Variants in CEP290 observed in about 807,000 individuals in gnomAD.
CEP290 encodes the protein centrosomal protein of 290 kDa.
CEP290 carries 317 observed loss-of-function variants against 344.9 expected under a neutral mutation model. The observed-to-expected ratio is 0.92, with a 90% CI of 0.84 to 1.01. CEP290 has a LOEUF of 1.01. Ranked by LOEUF, CEP290 falls within the 50% of genes least tolerant of loss-of-function variation. The pLI is 0.00. For synonymous variants in CEP290, 932 were observed against 895.8 expected (o/e 1.04, Z -0.72); for missense variants, 2,754 against 2,761.4 (o/e 1.00, Z 0.06).
intron 22 of CEP290, among the ~76,000 whole-genome samples, chr12:88,110,150 C>T (rs547252795): frequency 2.0e-5 from 3 of 151,814 alleles, no homozygotes; most frequent in East Asian, 1.9e-4. Flanking sequence ...AAATAGTGGC[C>T]CATATAATCA....
intron 39 of CEP290, 105 bp downstream of exon 39, chr12:88,078,987 T>A: frequency 1.1e-6 from 1 of 949,560 alleles, no homozygotes; most frequent in Non-Finnish European, 1.5e-6. Context: ...CAACAGTGCA[T>A]TATAAATTCC....
At chr12:88,137,163 C>T (rs2040396489) in intron 5 of CEP290, among the ~76,000 whole-genome samples, 1 of 152,072 alleles carries the variant, frequency 6.6e-6, no homozygotes, top group South Asian at 2.1e-4. Context: ...CCTTAACCTG[C>T]CCTTTCTCTC....
intron 53 of CEP290, 45 bp from the exon 54 acceptor site, chr12:88,049,459 A>G (rs1471957010): frequency 2.0e-6 from 2 of 990,654 alleles, no homozygotes; most frequent in African/African-American, 1.7e-5. Context: ...GGAAATATAC[A>G]TATTTTACGT....
intron 33 of CEP290, 80 bp from the exon 34 acceptor site, chr12:88,086,253 A>G: frequency 6.5e-7 from 1 of 1,532,530 alleles, no homozygotes; most frequent in South Asian, 1.2e-5. Context: ...TGTATGATAA[A>G]ACATAGATTA....
At chr12:88,059,082 T>G in intron 48 of CEP290, 62 bp from the exon 49 acceptor site, 1 of 1,329,944 alleles carries the variant, frequency 7.5e-7, no homozygotes, top group East Asian at 2.4e-5. Flanking sequence ...ATAGATTCAG[T>G]GTATTCAAAA....
chr12:88,107,657 T>A (rs1015501161), intron 23 of CEP290, among the ~76,000 whole-genome samples: 1 of 151,782 alleles, frequency 6.6e-6, no homozygotes, highest in Admixed American at 6.6e-5. Flanking sequence ...TCCCAGCACT[T>A]TGGGAGGCCA....
chr12:88,092,682 T>C lies in CEP290; in HGVS notation c.3460A>G (p.Lys1154Glu), dbSNP rs753136596. The change falls in exon 29 of 54, where the codon AAA becomes GAA. Residue 1154 changes from lysine to glutamate, a missense_variant and splice_region_variant. Lys to Glu is a moderately conservative substitution (Grantham distance 56, BLOSUM62 1). Transcript: ENST00000552810. The stretch of plus-strand genomic sequence containing the variant: ...GCTAAAATGCTTATATGCACTTACT[T>C]TGACACTTCAACTTTTAGTTCCATT... ...NEMELKVEVSKLREISDIARR... is the reference protein window; with the variant it reads ...NEMELKVEVSELREISDIARR... 3.1e-6 allele frequency: 5 copies of C among 1,608,250 alleles called. No homozygotes were observed. The highest frequency in any genetic ancestry group is 1.3e-5 in the African/African-American group (1 of 74,820).
At position 88,111,139 on chromosome 12, in the gene CEP290, C is replaced by T. The variant is rs75731877; in HGVS notation, c.2367+63G>A. On this transcript the variant is annotated intron_variant, in intron 22 of 53. Coordinates refer to ENST00000552810, the MANE Select transcript of CEP290 (RefSeq NM_025114.4). ...AAAAATAAAAACATAAAGAAACATA[C>T]TACCAATGATTTTTGTTATTCACAT... The T allele has an allele frequency of 1.9e-3, 1,692 of 911,394 alleles. 27 individuals are homozygous for T. In the African/African-American group the frequency reaches 0.027, roughly 15 times the overall value. The allele number at this position is 911,394 out of a possible 1,614,324, so 56.5% of individuals were successfully genotyped here. A position where few individuals can be genotyped will look rare whatever the true frequency, so the allele number is the denominator to read the frequency against.
intron 28 of CEP290, 154 bp downstream of exon 28, chr12:88,093,616 G>A: frequency 1.8e-6 from 1 of 564,650 alleles, no homozygotes; most frequent in Admixed American, 3.4e-5. Context: ...AAACAATTCA[G>A]ATTTAAATCT....
rs1346086093 is a variant in CEP290 at position 88,117,066 on chromosome 12, C to T, written c.1791G>A (p.Leu597=). 2 of 1,552,376 alleles carry T rather than the reference C, an allele frequency of 1.3e-6. No homozygotes were observed. The highest frequency in any genetic ancestry group is 1.8e-6 in the Non-Finnish European group (2 of 1,142,226). The change falls in exon 18 of 54, where the codon TTG becomes TTA. Residue 597 remains leucine, a synonymous_variant. Coordinates refer to ENST00000552810, the MANE Select transcript of CEP290 (RefSeq NM_025114.4). ...GTGCTTCACTCATATTTTTGAGGCTCAATAAATCCAATTTTCTTTCACTTA... is the reference window on the plus strand; with the variant it reads ...GTGCTTCACTCATATTTTTGAGGCTTAATAAATCCAATTTTCTTTCACTTA... ...DRISERKLDL[L]SLKNMSEAQS...
chr12:88,115,231 CAA>C (rs753136057), intron 18 of CEP290, 49 bp from the exon 19 acceptor site: 26 of 987,176 alleles, frequency 2.6e-5, no homozygotes, highest in East Asian at 2.1e-4. Context: ...CAAAATATCA[CAA>C]GTCTATAATT....
intron 42 of CEP290, 54 bp from the exon 43 acceptor site, chr12:88,071,503 A>G: frequency 2.1e-6 from 3 of 1,440,288 alleles, no homozygotes; most frequent in Non-Finnish European, 2.8e-6. Flanking sequence ...TTGGCTTTTC[A>G]ATTGCATACT....
chr12:88,058,793 A>G, intron 49 of CEP290, 55 bp downstream of exon 49: 3 of 1,570,544 alleles, frequency 1.9e-6, no homozygotes, highest in Non-Finnish European at 2.6e-6. Flanking sequence ...CTTTTAAAAC[A>G]ATGCCAAAAT....
intron 28 of CEP290, 46 bp from the exon 29 acceptor site, chr12:88,092,878 G>A (rs761275361): frequency 6.3e-7 from 1 of 1,580,306 alleles, no homozygotes; most frequent in Admixed American, 1.7e-5. Context: ...AATTTTTGGT[G>A]AGGTTTTCTT....
At chr12:88,075,030 T>A (rs1396785613) in intron 41 of CEP290, among the ~76,000 whole-genome samples, 1 of 152,162 alleles carries the variant, frequency 6.6e-6, no homozygotes, top group Non-Finnish European at 1.5e-5. Context: ...GCTGGGGATG[T>A]GGGAACTTCG....
chr12:88,139,887 C>T (rs1295341655), intron 3 of CEP290, among the ~76,000 whole-genome samples: 3 of 151,992 alleles, frequency 2.0e-5, no homozygotes, highest in African/African-American at 7.2e-5. Flanking sequence ...TGCCATCATG[C>T]TTGGCGTGCC....
chr12:88,070,329 C>T lies in CEP290; in HGVS notation c.6011+965G>A, dbSNP rs74329719. Among the ~76,000 whole-genome samples, 648 of 152,322 alleles carry T rather than the reference C, an allele frequency of 4.3e-3. 6 individuals are homozygous for T. The highest frequency in any genetic ancestry group is 0.015 in the African/African-American group (619 of 41,578). On this transcript the variant is annotated intron_variant, in intron 43 of 53. Coordinates refer to ENST00000552810, the MANE Select transcript of CEP290 (RefSeq NM_025114.4). ...ATTTACCTTTTCTTTTATTCTGTTA[C>T]TGCCTGCCCTGAAGACAACATTATT...
chr12:88,062,969 T>G (rs549889441), intron 45 of CEP290, among the ~76,000 whole-genome samples, 191 bp from the exon 46 acceptor site: 15 of 152,064 alleles, frequency 9.9e-5, no homozygotes, highest in Non-Finnish European at 2.1e-4. Context: ...GTATATGAAA[T>G]GTCAAGGTAT....
chr12:88,081,948 T>C (rs1208044267), intron 37 of CEP290, among the ~76,000 whole-genome samples: 1 of 152,176 alleles, frequency 6.6e-6, no homozygotes, highest in Admixed American at 6.5e-5. Flanking sequence ...CTGTTGCCAA[T>C]TTTCTTTCTT....
Sources: gnomAD v4.1 joint callset for allele counts (sites outside exome capture counted in the v4.1 genomes callset) on GRCh38, gnomAD v4.1.1 for gene constraint, MANE v1.5 for transcripts, NCBI Gene and HGNC (gene_info 2026-07-23, HGNC 2026-07-21) for gene names.